The following MIS18BP1 variants were observed in gnomAD, a reference collection of about 807,000 sequenced individuals.
MIS18BP1 encodes the protein mis18-binding protein 1.
In MIS18BP1, 72 loss-of-function variants were observed where a neutral mutation model predicts 116.1. That is an observed-to-expected ratio of 0.62 (90% CI 0.51 to 0.75). The LOEUF (loss-of-function observed/expected upper bound fraction) is 0.75. Among genes scored for constraint, MIS18BP1 ranks in the 30% least tolerant of loss-of-function variants. The pLI is 0.00. For synonymous variants in MIS18BP1, 386 were observed against 427.0 expected (o/e 0.90, Z 1.18); for missense variants, 1,363 against 1,303.2 (o/e 1.05, Z -0.71).
rs1014926336 is a variant in MIS18BP1 at position 45,224,872 on chromosome 14, C to T, written c.1841-126G>A. ...TTATCCACGAGCTACACTGTATACC[C>T]ACCTGTCATATTAATCTTTCTGAAG... is the stretch of plus-strand genomic sequence containing the variant. On this transcript the variant is annotated intron_variant, in intron 10 of 16. Transcript: ENST00000310806. 9 of 691,444 alleles carry T rather than the reference C, an allele frequency of 1.3e-5. No individual in the cohort carries two copies. In the African/African-American group the frequency reaches 1.6e-4, roughly 13 times the overall value. The allele number at this position is 691,444 out of a possible 1,614,324, so 42.8% of individuals were successfully genotyped here. A position where few individuals can be genotyped will look rare whatever the true frequency, so the allele number is the denominator to read the frequency against.
intron 14 of MIS18BP1, 28 bp from the exon 15 acceptor site, chr14:45,206,198 C>T (rs749531887): frequency 6.8e-7 from 1 of 1,474,718 alleles, no homozygotes; most frequent in South Asian, 1.2e-5. Flanking sequence ...AATTTTAAGT[C>T]AACAATATTT....
chr14:45,226,855 C>A lies in MIS18BP1; in HGVS notation c.1747-19G>T, dbSNP rs746106579. The A allele has an allele frequency of 1.3e-5, 17 of 1,325,208 alleles. No individual in the cohort carries two copies. The highest frequency in any genetic ancestry group is 1.7e-5 in the Non-Finnish European group (17 of 1,009,482). The allele number at this position is 1,325,208 out of a possible 1,614,324, so 82.1% of individuals were successfully genotyped here. On this transcript the variant is annotated intron_variant, in intron 9 of 16. Coordinates refer to ENST00000310806, the MANE Select transcript of MIS18BP1 (RefSeq NM_018353.5). ...TTAATTCCTTCAAAACAAAAAGATACCTAGGTTTTATTTTAAAACTACTAC... is the reference window on the plus strand; with the variant it reads ...TTAATTCCTTCAAAACAAAAAGATAACTAGGTTTTATTTTAAAACTACTAC...
intron 11 of MIS18BP1, among the ~76,000 whole-genome samples, chr14:45,223,586 A>C (rs1415291655): frequency 6.6e-6 from 1 of 152,228 alleles, no homozygotes; most frequent in Non-Finnish European, 1.5e-5. Flanking sequence ...AATCAAAACA[A>C]AACAAAACAA....
intron 6 of MIS18BP1, among the ~76,000 whole-genome samples, chr14:45,234,116 GTATGAT>G (rs2139212678): frequency 6.6e-6 from 1 of 152,094 alleles, no homozygotes; most frequent in South Asian, 2.1e-4. Context: ...AAAAAGGTAA[GTATGAT>G]TAACTCTGTT....
chr14:45,207,803 A>G (rs1360226748), intron 14 of MIS18BP1, among the ~76,000 whole-genome samples: 1 of 152,262 alleles, frequency 6.6e-6, no homozygotes, highest in Non-Finnish European at 1.5e-5. Context: ...TACGTCAATT[A>G]CTAGAGCTAG....
rs1891268469 is a variant in MIS18BP1 at position 45,231,221 on chromosome 14, A to C, written c.1514T>G (p.Met505Arg). Residue 505 changes from methionine to arginine, a missense_variant, in exon 8 of 17, where the codon ATG becomes AGG. Transcript: ENST00000310806. The part of the protein sequence containing the change: ...GRSVRDIRKS[M>R]KNDARENQTD... ...TTGGTTTTCTCGTGCATCATTTTTCATTGATTTCCTTATGTCACGGACAGA... is the reference window on the plus strand; with the variant it reads ...TTGGTTTTCTCGTGCATCATTTTTCCTTGATTTCCTTATGTCACGGACAGA... 2 of 1,613,682 alleles carry C rather than the reference A, an allele frequency of 1.2e-6. No individual in the cohort carries two copies. Among genetic ancestry groups the C allele is most frequent in the African/African-American group, 1.3e-5 (1 of 74,892 alleles).
At chr14:45,230,542 G>GTATTT (rs1195331089) in intron 8 of MIS18BP1, among the ~76,000 whole-genome samples, 3 of 152,088 alleles carry the variant, frequency 2.0e-5, no homozygotes, top group Non-Finnish European at 4.4e-5. Flanking sequence ...TTGGGTCAAG[G>GTATTT]AAATTAAAAG....
chr14:45,235,610 A>G (rs1167865980), intron 6 of MIS18BP1, among the ~76,000 whole-genome samples: 2 of 151,940 alleles, frequency 1.3e-5, no homozygotes, highest in Admixed American at 6.6e-5. Context: ...AAAAAAAACA[A>G]AAACACATAA....
intron 6 of MIS18BP1, 22 bp from the exon 7 acceptor site, chr14:45,232,842 CA>C: frequency 1.8e-6 from 2 of 1,128,630 alleles, no homozygotes; most frequent in East Asian, 2.6e-5. Context: ...TAAACAACAA[CA>C]AAAAGTATTT....
chr14:45,231,435 T>C (rs1891276690), intron 7 of MIS18BP1, 137 bp from the exon 8 acceptor site: 5 of 700,772 alleles, frequency 7.1e-6, no homozygotes, highest in African/African-American at 1.8e-5. Flanking sequence ...TCTTACATTA[T>C]TAATCCTTCA....
At chr14:45,231,850 A>C (rs956332730) in intron 7 of MIS18BP1, among the ~76,000 whole-genome samples, 2 of 152,196 alleles carry the variant, frequency 1.3e-5, no homozygotes, top group African/African-American at 4.8e-5. Context: ...GGCAAGAATA[A>C]ATCAAATTCT....
chr14:45,234,959 A>G (rs1891381920), intron 6 of MIS18BP1, among the ~76,000 whole-genome samples: 1 of 152,136 alleles, frequency 6.6e-6, no homozygotes, highest in Non-Finnish European at 1.5e-5. Context: ...GGCTCATGCC[A>G]GTAATCCCAA....
At chr14:45,221,347 G>A (rs1204060804) in intron 11 of MIS18BP1, among the ~76,000 whole-genome samples, 1 of 152,112 alleles carries the variant, frequency 6.6e-6, no homozygotes, top group Non-Finnish European at 1.5e-5. Flanking sequence ...TGAGGCAGGA[G>A]AATGGTGTGA....
At position 45,224,351 on chromosome 14, in the gene MIS18BP1, T is replaced by C. The variant is rs746844774; in HGVS notation, c.2236A>G (p.Arg746Gly). 1.2e-6 allele frequency: 2 copies of C among 1,613,630 alleles called. No individual in the cohort carries two copies. The highest frequency in any genetic ancestry group is 1.3e-5 in the African/African-American group (1 of 74,890). Residue 746 changes from arginine to glycine, a missense_variant, in exon 11 of 17, where the codon AGA (arginine) becomes GGA (glycine). Physicochemically the swap from Arg to Gly is moderately radical, Grantham distance 125. Coordinates refer to ENST00000310806, the MANE Select transcript of MIS18BP1 (RefSeq NM_018353.5). The stretch of plus-strand genomic sequence containing the variant: ...ATTTTCTTCAATTTTGGTAATAGTC[T>C]GGTATTTTTCTTAAAGTCAGAGGTG... Reference protein sequence around the residue: ...MLTSDFKKNTRLLPKLKKIEN... With the variant: ...MLTSDFKKNTGLLPKLKKIEN...
chr14:45,245,048 A>G (rs1305671936), intron 2 of MIS18BP1, among the ~76,000 whole-genome samples: 2 of 152,120 alleles, frequency 1.3e-5, no homozygotes, highest in Non-Finnish European at 2.9e-5. Flanking sequence ...AATTGCCATT[A>G]TTTCTTTGCC....
At chr14:45,206,767 G>A (rs1366730195) in intron 14 of MIS18BP1, among the ~76,000 whole-genome samples, 1 of 152,054 alleles carries the variant, frequency 6.6e-6, no homozygotes, top group African/African-American at 2.4e-5. Context: ...GCTCTTTCCG[G>A]TATCTTGCTG....
chr14:45,244,214 G>A (rs1049677324), intron 2 of MIS18BP1, among the ~76,000 whole-genome samples: 7 of 152,086 alleles, frequency 4.6e-5, no homozygotes, highest in Non-Finnish European at 7.4e-5. Flanking sequence ...TAGAGCAAGC[G>A]GACTTACACT....
intron 13 of MIS18BP1, among the ~76,000 whole-genome samples, chr14:45,215,365 A>G (rs1027600416): frequency 6.6e-6 from 1 of 152,182 alleles, no homozygotes; most frequent in Non-Finnish European, 1.5e-5. Context: ...CAACTGTTTG[A>G]ATTTTTATAC....
At chr14:45,231,730 T>A (rs550433936) in intron 7 of MIS18BP1, among the ~76,000 whole-genome samples, 1 of 152,234 alleles carries the variant, frequency 6.6e-6, no homozygotes, top group East Asian at 1.9e-4. Flanking sequence ...AAGAATATTA[T>A]CTTTACAGAA....
Sources: gnomAD v4.1 joint callset for allele counts (sites outside exome capture counted in the v4.1 genomes callset) on GRCh38, gnomAD v4.1.1 for gene constraint, MANE v1.5 for transcripts, NCBI Gene and HGNC (gene_info 2026-07-23, HGNC 2026-07-21) for gene names.